FOXP4: variants seen among roughly 807,000 people sequenced by gnomAD.
FOXP4 encodes the protein forkhead box P4, also known as forkhead box protein P4.
FOXP4 carries 25 observed loss-of-function variants against 82.6 expected under a neutral mutation model. The ratio of observed to expected loss-of-function variants is 0.30; its 90% CI spans 0.22 to 0.42. The LOEUF is 0.42. FOXP4 is among the 10% of genes least tolerant of loss of function. The pLI, the probability that FOXP4 is intolerant of heterozygous loss-of-function variation, is 1.00. For missense variants in FOXP4, 785 were observed against 900.9 expected, an observed-to-expected ratio of 0.87 and a Z score of 1.65; for synonymous variants, 415 against 388.2, an observed-to-expected ratio of 1.07 and a Z score of -0.81.
chr6:41,571,675 CT>C (rs549360281), intron 2 of FOXP4, among the ~76,000 whole-genome samples: 2 of 151,906 alleles, frequency 1.3e-5, no homozygotes, highest in African/African-American at 4.8e-5. Flanking sequence ...TTCCAAAAAG[CT>C]TTTTTTTCCC....
chr6:41,588,554 G>C (rs957311587), intron 8 of FOXP4, 90 bp from the exon 9 acceptor site: 1 of 1,273,250 alleles, frequency 7.9e-7, no homozygotes, highest in Non-Finnish European at 1.1e-6. Context: ...TGCTTTTCAG[G>C]CCATGGGTGG....
chr6:41,548,061 C>T (rs1356880307), intron 1 of FOXP4, among the ~76,000 whole-genome samples: 1 of 152,222 alleles, frequency 6.6e-6, no homozygotes, highest in Non-Finnish European at 1.5e-5. Context: ...CTGCGTCCCA[C>T]CCCGATCCTA....
rs113771840 is a variant in FOXP4 at position 41,587,674 on chromosome 6, G to A, written c.873-119G>A. 133 of 914,256 alleles carry A rather than the reference G, an allele frequency of 1.5e-4. 2 individuals are homozygous for A. The highest frequency in any genetic ancestry group is 4.0e-4 in the Admixed American group (16 of 40,336). 56.6% of individuals were successfully genotyped at this position (914,256 alleles called of 1,614,324 possible). On this transcript the variant is annotated intron_variant, in intron 7 of 16. Coordinates refer to ENST00000307972, the MANE Select transcript of FOXP4 (RefSeq NM_001012426.2). ...CGGGGTGTACAGATGGTGCTTGGCC[G>A]CTGGGAAACCTGTATTGGGGCAGAA...
chr6:41,583,681 C>T (rs545398908), intron 3 of FOXP4, among the ~76,000 whole-genome samples: 1 of 152,178 alleles, frequency 6.6e-6, no homozygotes, highest in African/African-American at 2.4e-5. Flanking sequence ...GTGGAGGGGG[C>T]GGCAGACAGC....
chr6:41,557,620 G>T (rs1764347254), intron 1 of FOXP4, among the ~76,000 whole-genome samples: 1 of 152,134 alleles, frequency 6.6e-6, no homozygotes, highest in African/African-American at 2.4e-5. Context: ...GATAGTAAGT[G>T]GTGAGTGGAA....
chr6:41,561,773 A>G (rs1233947287), intron 1 of FOXP4, among the ~76,000 whole-genome samples: 1 of 152,232 alleles, frequency 6.6e-6, no homozygotes, highest in Non-Finnish European at 1.5e-5. Context: ...TCATGTCCAC[A>G]TGCCAGACTG....
chr6:41,570,490 C>T (rs570219579), intron 2 of FOXP4: 1 of 424,614 alleles, frequency 2.4e-6, no homozygotes, highest in Non-Finnish European at 4.9e-6. Context: ...CTCCCAGGTC[C>T]CTGAGAGCCA....
rs770662735 is a variant in FOXP4, at chr6:41,597,889, G to T, written c.1834G>T (p.Val612Leu). The T allele has an allele frequency of 6.3e-7, 1 of 1,590,716 alleles. No homozygotes were observed. ...CAGCCACGATGACGTGGGTGCCCCCGTGGAGCCGCTGCCCAGCAACGGCAG... is the reference window on the plus strand; with the variant it reads ...CAGCCACGATGACGTGGGTGCCCCCTTGGAGCCGCTGCCCAGCAACGGCAG... ...PLSHDDVGAP[V>L]EPLPSNGSSS... Residue 612 changes from valine to leucine, a missense_variant, in exon 16 of 17, where the codon GTG (valine) becomes TTG (leucine). This residue lies in a region of FOXP4 where 184 missense variants were observed against 187.3 expected (regional missense o/e 0.98). Coordinates refer to ENST00000307972, the MANE Select transcript of FOXP4 (RefSeq NM_001012426.2).
At chr6:41,556,135 A>G (rs111865656) in intron 1 of FOXP4, among the ~76,000 whole-genome samples, 3 of 151,924 alleles carry the variant, frequency 2.0e-5, no homozygotes, top group African/African-American at 7.2e-5. Flanking sequence ...CGCGGGGAGG[A>G]GCACTGGTTT....
chr6:41,547,191 G>A (rs1417101029), intron 1 of FOXP4, among the ~76,000 whole-genome samples: 1 of 151,932 alleles, frequency 6.6e-6, no homozygotes, highest in Non-Finnish European at 1.5e-5. Flanking sequence ...AGGCCGGGGC[G>A]GGGAGGGGGG....
Position 41,599,223 on chromosome 6 carries a change from CCAG to C in FOXP4, c.*297_*299del. On this transcript the variant is annotated 3_prime_UTR_variant, in exon 17 of 17. Coordinates refer to ENST00000307972, the MANE Select transcript of FOXP4 (RefSeq NM_001012426.2). ...ATCTGAAACTGCCTCCCCCCAACCA[CCAG>C]CAGCAGCAGGGCCCTCCTCCCCCAC... The C allele has an allele frequency of 3.7e-5, 10 of 273,814 alleles. No homozygotes were observed. Among genetic ancestry groups the C allele is most frequent in the Non-Finnish European group, 5.5e-5 (8 of 145,032 alleles). 17.0% of individuals were successfully genotyped at this position (273,814 alleles called of 1,614,324 possible).
chr6:41,597,473 T>G (rs570994755), intron 15 of FOXP4, among the ~76,000 whole-genome samples: 10 of 152,292 alleles, frequency 6.6e-5, no homozygotes, highest in Admixed American at 2.0e-4. Flanking sequence ...ATGGCATACC[T>G]ATAGCATCCC....
In FOXP4 at chr6:41,597,213, A is replaced by G. The variant is rs1766896368; in HGVS notation, c.1696A>G (p.Ser566Gly). 3.1e-6 allele frequency: 5 copies of G among 1,614,196 alleles called. 1 individual carries two copies. The South Asian group carries it at 5.5e-5, about 18-fold the overall frequency. Residue 566 changes from serine to glycine, a missense_variant, in exon 15 of 17, where the codon AGC (serine) becomes GGC (glycine). Ser to Gly is a moderately conservative substitution (Grantham distance 56, BLOSUM62 0). Coordinates refer to ENST00000307972, the MANE Select transcript of FOXP4 (RefSeq NM_001012426.2). ...TLVKNMISGL[S>G]YGALNASYQA... is the part of the protein sequence containing the mutation. ...GGTGAAGAACATGATCTCTGGCCTC[A>G]GCTATGGAGCACTTAATGCCAGCTA...
In FOXP4 at chr6:41,594,880, G is replaced by A; in HGVS notation, c.1547G>A (p.Arg516His). Residue 516 changes from arginine to histidine, a missense_variant, in exon 14 of 17, where the codon CGC (arginine) becomes CAC (histidine). Arg to His is a conservative substitution (Grantham distance 29, BLOSUM62 0). Coordinates refer to ENST00000307972, the MANE Select transcript of FOXP4 (RefSeq NM_001012426.2). The part of the protein sequence containing the change: ...RNTATWKNAV[R>H]HNLSLHKCFV... The stretch of plus-strand genomic sequence containing the variant: ...TCACTGCACCCACAGAACGCCGTGC[G>A]CCACAACCTCAGCCTGCACAAGTGC... 3 of 1,614,028 alleles carry A rather than the reference G, an allele frequency of 1.9e-6. No individual in the cohort carries two copies. The highest frequency in any genetic ancestry group is 2.5e-6 in the Non-Finnish European group (3 of 1,180,034).
intron 5 of FOXP4, 50 bp downstream of exon 5, chr6:41,585,567 C>T: frequency 6.4e-7 from 1 of 1,560,962 alleles, no homozygotes. Flanking sequence ...CTGCCCAGAG[C>T]TGGGTGTCCA....
intron 3 of FOXP4, among the ~76,000 whole-genome samples, chr6:41,583,013 A>C (rs1765889511): frequency 6.6e-6 from 1 of 152,164 alleles, no homozygotes; most frequent in South Asian, 2.1e-4. Context: ...GGTAAAAATG[A>C]GGTTAAAAAA....
At chr6:41,577,953 C>T in intron 2 of FOXP4, 33 bp from the exon 3 acceptor site, 10 of 1,560,834 alleles carry the variant, frequency 6.4e-6, no homozygotes, top group Non-Finnish European at 8.8e-6. Context: ...CCCAGCCTCC[C>T]AGGCCATTGC....
chr6:41,588,939 G>A (rs765305079), intron 9 of FOXP4, among the ~76,000 whole-genome samples: 3 of 152,200 alleles, frequency 2.0e-5, no homozygotes, highest in South Asian at 2.1e-4. Flanking sequence ...GGTTGGGGGC[G>A]TCTCTGCTGG....
chr6:41,554,594 T>A (rs1764173521), intron 1 of FOXP4, among the ~76,000 whole-genome samples: 2 of 152,220 alleles, frequency 1.3e-5, no homozygotes. Context: ...GCACAGTGGC[T>A]CATGCCTGTA....
Sources: allele counts gnomAD v4.1 joint callset (sites outside exome capture counted in the v4.1 genomes callset), GRCh38; gene constraint gnomAD v4.1.1; regional missense constraint gnomAD v4.1.1; transcripts MANE v1.5; gene names NCBI Gene and HGNC (gene_info 2026-07-23, HGNC 2026-07-21).